Variants in PLA2G4A observed in about 807,000 individuals in gnomAD.
PLA2G4A encodes the protein cytosolic phospholipase A2.
A neutral mutation model predicts 81.9 loss-of-function variants in PLA2G4A; 40 were observed. The ratio of observed to expected loss-of-function variants is 0.49; its 90% CI spans 0.38 to 0.64. The LOEUF (loss-of-function observed/expected upper bound fraction) is 0.64, where lower values mean the gene tolerates loss of function less well. Ranked by LOEUF, PLA2G4A falls within the 30% of genes least tolerant of loss-of-function variation. The pLI, the probability that PLA2G4A is intolerant of heterozygous loss-of-function variation, is 0.00. For missense variants in PLA2G4A, 715 were observed against 905.1 expected (o/e 0.79, Z 2.69); for synonymous variants, 302 against 296.9 (o/e 1.02, Z -0.18).
intron 17 of PLA2G4A, among the ~76,000 whole-genome samples, chr1:186,979,717 C>T (rs2102299088): frequency 6.6e-6 from 1 of 151,886 alleles, no homozygotes; most frequent in South Asian, 2.1e-4. Flanking sequence ...AGTTTCTTTC[C>T]CGAAGTATCT....
At chr1:186,895,708 G>A (rs978175382) in intron 5 of PLA2G4A, among the ~76,000 whole-genome samples, 3 of 152,172 alleles carry the variant, frequency 2.0e-5, no homozygotes, top group Non-Finnish European at 2.9e-5. Context: ...AATAAAGAAC[G>A]ATTGTGTTGT....
At chr1:186,960,877 T>C (rs1571445805) in intron 14 of PLA2G4A, among the ~76,000 whole-genome samples, 1 of 152,234 alleles carries the variant, frequency 6.6e-6, no homozygotes, top group Non-Finnish European at 1.5e-5. Flanking sequence ...AATTGGCTAG[T>C]ACTTTAAGTT....
Position 186,872,928 on chromosome 1 carries a change from T to TTGCTGTGG in PLA2G4A, c.115+2413_115+2420dup, listed in dbSNP as rs545008172. On this transcript the variant is annotated intron_variant, in intron 3 of 17. Transcript: ENST00000367466. ...GGAAGGAATGGCCACTGAAGATTAA[T>TTGCTGTGG]TGCTGTGGCAGAAAGGACAGTGTTA... Among the ~76,000 whole-genome samples, 84 of 152,246 alleles carry TTGCTGTGG rather than the reference T, an allele frequency of 5.5e-4. 2 individuals are homozygous for TTGCTGTGG. In the South Asian group the frequency reaches 0.017, roughly 31 times the overall value.
chr1:186,854,623 A>G (rs995466418), intron 2 of PLA2G4A, among the ~76,000 whole-genome samples: 1 of 151,952 alleles, frequency 6.6e-6, no homozygotes, highest in African/African-American at 2.4e-5. Flanking sequence ...AAATACCCAA[A>G]CACCATAATA....
chr1:186,865,553 A>G (rs1032779403), intron 2 of PLA2G4A, among the ~76,000 whole-genome samples: 6 of 152,218 alleles, frequency 3.9e-5, no homozygotes, highest in African/African-American at 1.4e-4. Flanking sequence ...TGTGGTGATC[A>G]TAATCTCTGG....
At chr1:186,909,342 G>T (rs1192382026) in intron 6 of PLA2G4A, among the ~76,000 whole-genome samples, 1 of 129,562 alleles carries the variant, frequency 7.7e-6, no homozygotes, top group Non-Finnish European at 1.6e-5. Flanking sequence ...TAATAGAAAA[G>T]AGTGTAGCCC....
At chr1:186,836,325 T>C (rs2101998751) in intron 1 of PLA2G4A, among the ~76,000 whole-genome samples, 1 of 151,096 alleles carries the variant, frequency 6.6e-6, no homozygotes, top group Non-Finnish European at 1.5e-5. Context: ...TTATTATATA[T>C]TAATATGTAC....
intron 13 of PLA2G4A, 82 bp from the exon 14 acceptor site, chr1:186,956,020 G>A (rs1031667767): frequency 1.7e-5 from 22 of 1,265,228 alleles, no homozygotes; most frequent in Middle Eastern, 2.2e-4. Context: ...GATTACAGGC[G>A]TGAGCCACCG....
At chr1:186,889,993 A>G (rs1391480538) in intron 3 of PLA2G4A, among the ~76,000 whole-genome samples, 2 of 152,192 alleles carry the variant, frequency 1.3e-5, no homozygotes, top group Non-Finnish European at 2.9e-5. Flanking sequence ...ATTGGACAGA[A>G]TGCTTAATAT....
chr1:186,935,396 G>C (rs1655906195), intron 8 of PLA2G4A, among the ~76,000 whole-genome samples: 1 of 97,984 alleles, frequency 1.0e-5, no homozygotes, highest in African/African-American at 3.9e-5. Context: ...TAGGGCCCAG[G>C]GAAGGGTTTT....
chr1:186,888,543 G>A (rs1654020673), intron 3 of PLA2G4A, among the ~76,000 whole-genome samples: 1 of 152,118 alleles, frequency 6.6e-6, no homozygotes, highest in African/African-American at 2.4e-5. Context: ...GTAATAATCT[G>A]GGTGACTGAG....
chr1:186,903,798 GTAA>G (rs1488111709), intron 5 of PLA2G4A, among the ~76,000 whole-genome samples: 1 of 152,110 alleles, frequency 6.6e-6, no homozygotes, highest in Non-Finnish European at 1.5e-5. Context: ...ATATTACAAT[GTAA>G]TAATAATATA....
intron 14 of PLA2G4A, among the ~76,000 whole-genome samples, chr1:186,957,267 G>T (rs963301038): frequency 1.3e-5 from 2 of 152,206 alleles, no homozygotes; most frequent in Admixed American, 6.5e-5. Flanking sequence ...GGGATTTAAA[G>T]AAGGGAATTA....
chr1:186,888,819 G>GT (rs1020702335), intron 3 of PLA2G4A, among the ~76,000 whole-genome samples: 1 of 134,770 alleles, frequency 7.4e-6, no homozygotes, highest in African/African-American at 2.8e-5. Context: ...GCTTGGCTTT[G>GT]TTTTTTTTCT....
intron 15 of PLA2G4A, among the ~76,000 whole-genome samples, chr1:186,970,106 A>G (rs1330687268): frequency 3.9e-5 from 6 of 152,004 alleles, no homozygotes. Context: ...AAGCCATTTT[A>G]ACTGGGGTAA....
At chr1:186,904,551 T>C (rs1260820114) in intron 5 of PLA2G4A, among the ~76,000 whole-genome samples, 1 of 152,236 alleles carries the variant, frequency 6.6e-6, no homozygotes, top group East Asian at 1.9e-4. Context: ...AATTTCCTCC[T>C]GGTTGTGGGT....
chr1:186,947,005 T>C, intron 12 of PLA2G4A, 44 bp downstream of exon 12: 1 of 1,041,674 alleles, frequency 9.6e-7, no homozygotes, highest in Non-Finnish European at 1.5e-6. Flanking sequence ...CTTGCTACAT[T>C]GATAAAGTTT....
At chr1:186,863,938 T>C (rs1429846940) in intron 2 of PLA2G4A, among the ~76,000 whole-genome samples, 2 of 151,952 alleles carry the variant, frequency 1.3e-5, no homozygotes, top group African/African-American at 4.8e-5. Context: ...TTTTTTATAT[T>C]TTTAGTAGAG....
At chr1:186,920,751 A>G (rs1655321156) in intron 7 of PLA2G4A, among the ~76,000 whole-genome samples, 1 of 152,214 alleles carries the variant, frequency 6.6e-6, no homozygotes, top group Non-Finnish European at 1.5e-5. Flanking sequence ...GAATTCCCCT[A>G]AAGGCCGTGG....
Sources: allele counts gnomAD v4.1 joint callset (sites outside exome capture counted in the v4.1 genomes callset), GRCh38; gene constraint gnomAD v4.1.1; transcripts MANE v1.5; gene names NCBI Gene and HGNC (gene_info 2026-07-23, HGNC 2026-07-21).